ARAP2: variants seen among roughly 807,000 people sequenced by gnomAD.
The protein encoded by ARAP2 is arf-GAP with Rho-GAP domain, ANK repeat and PH domain-containing protein 2.
ARAP2 carries 148 observed loss-of-function variants against 194.5 expected under a neutral mutation model. The observed-to-expected ratio is 0.76, with a 90% CI of 0.67 to 0.87. The LOEUF (loss-of-function observed/expected upper bound fraction) is 0.87. Ranked by LOEUF, ARAP2 falls within the 40% of genes least tolerant of loss-of-function variation. ARAP2 has a pLI of 0.00. For synonymous variants in ARAP2, 695 were observed against 683.5 expected, an observed-to-expected ratio of 1.02 and a Z score of -0.26; for missense variants, 2,128 against 1,989.7, an observed-to-expected ratio of 1.07 and a Z score of -1.32.
chr4:36,068,726 C>A (rs1432445323), intron 32 of ARAP2, among the ~76,000 whole-genome samples: 2 of 152,166 alleles, frequency 1.3e-5, no homozygotes, highest in South Asian at 4.1e-4. Flanking sequence ...CCGCTGTAGG[C>A]TAATATAAAT....
chr4:36,045,520 G>A (rs1210024849), intron 5 of ARAP2, among the ~76,000 whole-genome samples: 2 of 152,122 alleles, frequency 1.3e-5, no homozygotes, highest in Non-Finnish European at 2.9e-5. Flanking sequence ...GTGGAATGGT[G>A]GTTATCAGAG....
At chr4:36,016,742 C>T (rs991802707) in intron 6 of ARAP2, among the ~76,000 whole-genome samples, 1 of 152,138 alleles carries the variant, frequency 6.6e-6, no homozygotes, top group Non-Finnish European at 1.5e-5. Flanking sequence ...CCATAATGAA[C>T]ATGCCTCGCT....
At chr4:36,082,133 A>T in intron 30 of ARAP2, 118 bp downstream of exon 30, 1 of 929,778 alleles carries the variant, frequency 1.1e-6, no homozygotes, top group South Asian at 1.7e-5. Flanking sequence ...AAACAACCCT[A>T]ATTTCACTTA....
chr4:36,019,418 C>T (rs1490344592), intron 5 of ARAP2: 1 of 149,386 alleles, frequency 6.7e-6, no homozygotes, highest in Non-Finnish European at 1.5e-5. Flanking sequence ...GTTCAAATCT[C>T]ACAGAGCTTT....
At position 36,083,403 on chromosome 4, in the gene ARAP2, A is replaced by G. The variant is rs34277198; in HGVS notation, c.4473T>C (p.Tyr1491=). 8.7e-6 allele frequency: 14 copies of G among 1,608,776 alleles called. No individual in the cohort carries two copies. The African/African-American group carries it at 1.9e-4, about 22-fold the overall frequency. The change falls in exon 29 of 33, where the codon TAT becomes TAC. Residue 1491 remains tyrosine (Y), a synonymous_variant. Coordinates refer to ENST00000303965, the MANE Select transcript of ARAP2 (RefSeq NM_015230.4). ...GCTTCATTTTCTTTTTCACTCCACGATAAAACTTCATGGAACTGAGAGAAA... is the reference window on the plus strand; with the variant it reads ...GCTTCATTTTCTTTTTCACTCCACGGTAAAACTTCATGGAACTGAGAGAAA... ...KMFSLSSMKF[Y]RGVKKKMKPP...
At chr4:36,120,209 T>A (rs1722349461) in intron 23 of ARAP2, among the ~76,000 whole-genome samples, 1 of 151,530 alleles carries the variant, frequency 6.6e-6, no homozygotes, top group Non-Finnish European at 1.5e-5. Context: ...CAGCATCAGA[T>A]TATTGCAAAG....
rs184865877 is a variant in ARAP2, at chr4:36,204,685, C to G, written c.1487+5705G>C. On this transcript the variant is annotated intron_variant, in intron 6 of 32. Transcript: ENST00000303965. ...GGAAGAATTTTCAGATGAATGAGTACACATATTAAAAATTAAGCAAACAGG... is the reference window on the plus strand; with the variant it reads ...GGAAGAATTTTCAGATGAATGAGTAGACATATTAAAAATTAAGCAAACAGG... 2.6e-5 allele frequency among the ~76,000 whole-genome samples: 4 copies of G among 152,144 alleles called. No homozygotes were observed. The East Asian group carries it at 5.8e-4, about 22-fold the overall frequency.
intron 5 of ARAP2, among the ~76,000 whole-genome samples, chr4:36,034,790 C>T (rs2375742): frequency 0.77 from 117,390 of 151,970 alleles, 45,671 homozygotes; most frequent in Admixed American, 0.87. Context: ...TGAGGATTCT[C>T]AACATGAAAG....
chr4:36,133,435 A>G (rs1725916490), intron 19 of ARAP2, 46 bp from the exon 20 acceptor site: 1 of 1,548,012 alleles, frequency 6.5e-7, no homozygotes, highest in Non-Finnish European at 8.8e-7. Flanking sequence ...TGCTCTTTAA[A>G]AAAAAATCTT....
At chr4:36,034,622 C>T (rs1719598025) in intron 5 of ARAP2, among the ~76,000 whole-genome samples, 1 of 151,846 alleles carries the variant, frequency 6.6e-6, no homozygotes. Context: ...TTCTTATTTG[C>T]TGGATATGGC....
At chr4:36,183,820 T>C (rs992779617) in intron 8 of ARAP2, among the ~76,000 whole-genome samples, 9 of 152,194 alleles carry the variant, frequency 5.9e-5, no homozygotes, top group Non-Finnish European at 1.0e-4. Context: ...GAGGAAAAGA[T>C]TCCAAACTAT....
At chr4:36,119,935 A>G (rs1457180549) in intron 23 of ARAP2, among the ~76,000 whole-genome samples, 2 of 151,520 alleles carry the variant, frequency 1.3e-5, no homozygotes, top group Non-Finnish European at 3.0e-5. Flanking sequence ...ATACTACTTC[A>G]GGCTGCAATT....
At chr4:36,241,369 C>G (rs1380916859) in intron 1 of ARAP2, among the ~76,000 whole-genome samples, 2 of 152,166 alleles carry the variant, frequency 1.3e-5, no homozygotes, top group Non-Finnish European at 2.9e-5. Context: ...GAGGGCATTT[C>G]AGAAAACGTC....
At chr4:36,154,362 C>T (rs1195376015) in intron 15 of ARAP2, among the ~76,000 whole-genome samples, 2 of 152,024 alleles carry the variant, frequency 1.3e-5, no homozygotes, top group African/African-American at 2.4e-5. Context: ...TTTCACAGAA[C>T]AAAATATCTT....
chr4:36,063,637 C>T (rs1056128967), downstream of ARAP2, among the ~76,000 whole-genome samples: 7 of 152,068 alleles, frequency 4.6e-5, no homozygotes, highest in African/African-American at 1.7e-4. Flanking sequence ...AAATTTGTAC[C>T]GACTTAAAAT....
chr4:36,183,418 C>A (rs1466879880), intron 8 of ARAP2, among the ~76,000 whole-genome samples: 6 of 152,058 alleles, frequency 3.9e-5, no homozygotes, highest in African/African-American at 1.2e-4. Flanking sequence ...CTAGAATCTG[C>A]TAAGATGGAC....
At position 36,174,096 on chromosome 4, in the gene ARAP2, C is replaced by T. The variant is rs575560167; in HGVS notation, c.1857+3731G>A. On this transcript the variant is annotated intron_variant, in intron 9 of 32. Transcript: ENST00000303965. Reference sequence around the variant, plus strand: ...AGAGATCTTGTGGGTTACCACTGTACCTCTAGTTTCTAGAGCAGTGCCCAG... The same window carrying T: ...AGAGATCTTGTGGGTTACCACTGTATCTCTAGTTTCTAGAGCAGTGCCCAG... 5.3e-5 allele frequency among the ~76,000 whole-genome samples: 8 copies of T among 152,330 alleles called. No individual in the cohort carries two copies. The East Asian group carries it at 1.2e-3, about 22-fold the overall frequency.
intron 7 of ARAP2, among the ~76,000 whole-genome samples, chr4:36,190,143 G>T (rs1374137112): frequency 6.6e-6 from 1 of 152,130 alleles, no homozygotes; most frequent in Non-Finnish European, 1.5e-5. Flanking sequence ...ACGCCCATCT[G>T]CACATACTTA....
intron 19 of ARAP2, among the ~76,000 whole-genome samples, chr4:36,134,766 C>T (rs1386028641): frequency 6.7e-6 from 1 of 148,882 alleles, no homozygotes; most frequent in African/African-American, 2.5e-5. Context: ...ACACACCCTC[C>T]TGGATTCTGT....
Sources: allele counts gnomAD v4.1 joint callset (sites outside exome capture counted in the v4.1 genomes callset), GRCh38; gene constraint gnomAD v4.1.1; transcripts MANE v1.5; gene names NCBI Gene and HGNC (gene_info 2026-07-23, HGNC 2026-07-21).